The following LRP1B variants were observed in gnomAD, a reference collection of about 807,000 sequenced individuals.
LRP1B encodes the protein low-density lipoprotein receptor-related protein 1B.
In LRP1B, 217 loss-of-function variants were observed where a neutral mutation model predicts 556.6. The ratio of observed to expected loss-of-function variants is 0.39; its 90% CI spans 0.35 to 0.44. LRP1B has a LOEUF of 0.44. Among genes scored for constraint, LRP1B ranks in the 20% least tolerant of loss-of-function variants. The pLI is 1.00. For missense variants in LRP1B, 5,053 were observed against 5,620.8 expected (o/e 0.90, Z 3.23); for synonymous variants, 2,047 against 1,865.8 (o/e 1.10, Z -2.50).
At chr2:140,912,256 T>G (rs1240141563) in intron 21 of LRP1B, among the ~76,000 whole-genome samples, 1 of 151,690 alleles carries the variant, frequency 6.6e-6, no homozygotes, top group Non-Finnish European at 1.5e-5. Context: ...AAAAATACTT[T>G]AAACATATTG....
intron 66 of LRP1B, among the ~76,000 whole-genome samples, chr2:140,407,934 T>C (rs527433744): frequency 6.6e-6 from 1 of 152,008 alleles, no homozygotes; most frequent in Admixed American, 6.6e-5. Flanking sequence ...AATCTATGTG[T>C]CCATCAATCA....
chr2:140,455,118 T>C (rs1043379556), intron 62 of LRP1B, among the ~76,000 whole-genome samples: 1 of 152,182 alleles, frequency 6.6e-6, no homozygotes, highest in African/African-American at 2.4e-5. Context: ...AAACGTGATT[T>C]CTCTCTTTAA....
chr2:141,505,893 A>G (rs1304147620), intron 2 of LRP1B, among the ~76,000 whole-genome samples: 2 of 152,088 alleles, frequency 1.3e-5, no homozygotes, highest in Non-Finnish European at 2.9e-5. Context: ...TTCAGAATAT[A>G]CTGATACAAT....
At chr2:140,570,300 A>G (rs985538305) in intron 43 of LRP1B, among the ~76,000 whole-genome samples, 1 of 151,432 alleles carries the variant, frequency 6.6e-6, no homozygotes, top group East Asian at 1.9e-4. Context: ...GTAACCAGGA[A>G]AAAAAAACAA....
intron 2 of LRP1B, among the ~76,000 whole-genome samples, chr2:141,617,551 CCTTA>C (rs1458670516): frequency 6.6e-6 from 1 of 152,096 alleles, no homozygotes; most frequent in Non-Finnish European, 1.5e-5. Flanking sequence ...TCAATGCTTT[CCTTA>C]CTTAGCCAAT....
chr2:141,765,056 C>T (rs535756180), intron 2 of LRP1B, among the ~76,000 whole-genome samples: 2 of 151,814 alleles, frequency 1.3e-5, no homozygotes, highest in South Asian at 4.2e-4. Context: ...AGACATGAGT[C>T]CTGCCTGAAA....
intron 83 of LRP1B, among the ~76,000 whole-genome samples, chr2:140,312,501 A>C (rs1319099859): frequency 6.6e-6 from 1 of 152,006 alleles, no homozygotes; most frequent in Non-Finnish European, 1.5e-5. Context: ...GATTAAGTGT[A>C]AATATAGCTG....
intron 32 of LRP1B, among the ~76,000 whole-genome samples, chr2:140,801,973 AC>A (rs1690530013): frequency 6.6e-6 from 1 of 152,216 alleles, no homozygotes; most frequent in South Asian, 2.1e-4. Context: ...GCTATCAAAT[AC>A]AAAAATAAAG....
chr2:141,552,871 C>T (rs1489095317), intron 2 of LRP1B, among the ~76,000 whole-genome samples: 1 of 151,876 alleles, frequency 6.6e-6, no homozygotes, highest in East Asian at 1.9e-4. Context: ...CTTAAAAGAA[C>T]ACTGATATGT....
chr2:141,743,364 A>G (rs1693782182), intron 2 of LRP1B, among the ~76,000 whole-genome samples: 1 of 151,890 alleles, frequency 6.6e-6, no homozygotes, highest in African/African-American at 2.4e-5. Context: ...TTGCATGAAT[A>G]TTCATCAGAA....
intron 1 of LRP1B, among the ~76,000 whole-genome samples, chr2:142,016,894 A>C (rs1454456170): frequency 6.7e-6 from 1 of 150,064 alleles, no homozygotes; most frequent in South Asian, 2.1e-4. Flanking sequence ...TTATATGTAT[A>C]TACACACACA....
At chr2:141,512,795 A>T (rs1460643647) in intron 2 of LRP1B, among the ~76,000 whole-genome samples, 1 of 152,130 alleles carries the variant, frequency 6.6e-6, no homozygotes, top group Non-Finnish European at 1.5e-5. Flanking sequence ...CAAAACTTTG[A>T]GTAATTGACC....
chr2:141,972,220 T>C (rs1701762298), intron 1 of LRP1B, among the ~76,000 whole-genome samples: 2 of 151,652 alleles, frequency 1.3e-5, no homozygotes, highest in African/African-American at 4.8e-5. Context: ...ACCAAGATGG[T>C]TGTTCTATTG....
intron 49 of LRP1B, among the ~76,000 whole-genome samples, chr2:140,524,546 G>A (rs765519678): frequency 7.2e-5 from 11 of 151,814 alleles, no homozygotes; most frequent in Non-Finnish European, 1.6e-4. Context: ...TTAAATTAAT[G>A]TAGATGTCCA....
intron 41 of LRP1B, among the ~76,000 whole-genome samples, chr2:140,641,208 T>C (rs1319765615): frequency 2.0e-5 from 3 of 152,206 alleles, no homozygotes; most frequent in African/African-American, 7.2e-5. Context: ...GAAATTTAAA[T>C]CTTGGAACAA....
At chr2:141,194,926 T>C (rs1046869431) in intron 6 of LRP1B, among the ~76,000 whole-genome samples, 3 of 152,146 alleles carry the variant, frequency 2.0e-5, no homozygotes, top group Non-Finnish European at 4.4e-5. Flanking sequence ...CTGCTTGTGA[T>C]GTGCATGTAC....
intron 2 of LRP1B, among the ~76,000 whole-genome samples, chr2:141,482,279 T>C (rs1682947985): frequency 6.6e-6 from 1 of 152,160 alleles, no homozygotes. Context: ...TCTCTCAATG[T>C]TTTGTGTTTT....
chr2:140,763,058 G>A (rs926294469), intron 35 of LRP1B, among the ~76,000 whole-genome samples: 1 of 152,036 alleles, frequency 6.6e-6, no homozygotes, highest in African/African-American at 2.4e-5. Flanking sequence ...TCAGAGTATG[G>A]AGTAATTTGA....
At position 141,044,331 on chromosome 2, in the gene LRP1B, A is replaced by T. The variant is rs529752545; in HGVS notation, c.1789+4655T>A. ...CCATAAAAACCCTAGAAAAAAACCT[A>T]GGCATTACCATTCAGGACATAGGCA... On this transcript the variant is annotated intron_variant, in intron 11 of 90. Coordinates refer to ENST00000389484, the MANE Select transcript of LRP1B (RefSeq NM_018557.3). 2.1e-3 allele frequency among the ~76,000 whole-genome samples: 318 copies of T among 151,954 alleles called. 1 individual carries two copies. Among genetic ancestry groups the T allele is most frequent in the African/African-American group, 7.2e-3 (300 of 41,472 alleles).
Sources: allele counts gnomAD v4.1 joint callset (sites outside exome capture counted in the v4.1 genomes callset), GRCh38; gene constraint gnomAD v4.1.1; transcripts MANE v1.5; gene names NCBI Gene and HGNC (gene_info 2026-07-23, HGNC 2026-07-21).